The following STK10 variants were observed in gnomAD, a reference collection of about 807,000 sequenced individuals.
STK10 encodes the protein serine/threonine-protein kinase 10.
A neutral mutation model predicts 113.8 loss-of-function variants in STK10; 78 were observed. The ratio of observed to expected loss-of-function variants is 0.69; its 90% CI spans 0.57 to 0.83. The LOEUF (loss-of-function observed/expected upper bound fraction) is 0.83. Ranked by LOEUF, STK10 falls within the 40% of genes least tolerant of loss-of-function variation. The pLI is 0.00. For synonymous variants in STK10, 465 were observed against 494.7 expected, an observed-to-expected ratio of 0.94 and a Z score of 0.80; for missense variants, 1,109 against 1,280.1, an observed-to-expected ratio of 0.87 and a Z score of 2.04.
chr5:172,055,643 CTCT>C lies in STK10; in HGVS notation c.2468_2470del (p.Lys823del). The C allele has an allele frequency of 6.4e-7, 1 of 1,570,030 alleles. No individual in the cohort carries two copies. Among genetic ancestry groups the C allele is most frequent in the Non-Finnish European group, 8.7e-7 (1 of 1,154,780 alleles). The stretch of plus-strand genomic sequence containing the variant: ...GCTGCCCCCGCCGTTGATGTGGAGG[CTCT>C]TCTTGTACATGGCCATGCGCGTCTT... On this transcript the variant is annotated inframe_deletion, in exon 16 of 19. Transcript: ENST00000176763.
chr5:172,126,618 G>T (rs1769625130), intron 3 of STK10, among the ~76,000 whole-genome samples: 1 of 152,144 alleles, frequency 6.6e-6, no homozygotes. Flanking sequence ...ATTAGAGGAG[G>T]ACCGCATATG....
chr5:172,118,443 C>A (rs75904017), intron 3 of STK10, among the ~76,000 whole-genome samples: 11,161 of 152,088 alleles, frequency 0.073, 465 homozygotes, highest in East Asian at 0.11. Flanking sequence ...GGGCAGGAAC[C>A]CCTTATAGCT....
At chr5:172,097,570 T>C (rs1362923076) in intron 7 of STK10, among the ~76,000 whole-genome samples, 1 of 152,182 alleles carries the variant, frequency 6.6e-6, no homozygotes, top group African/African-American at 2.4e-5. Context: ...TCACCTACAT[T>C]GTCGCCTATT....
chr5:172,070,646 T>C (rs995577385), intron 12 of STK10, among the ~76,000 whole-genome samples: 1 of 151,612 alleles, frequency 6.6e-6, no homozygotes, highest in East Asian at 1.9e-4. Flanking sequence ...ATCAATAACA[T>C]TGAAAAGAGA....
At chr5:172,075,877 T>C (rs1201086013) in intron 12 of STK10, among the ~76,000 whole-genome samples, 1 of 152,214 alleles carries the variant, frequency 6.6e-6, no homozygotes, top group Non-Finnish European at 1.5e-5. Flanking sequence ...GGAACTCTTG[T>C]ACCTCGTTGT....
chr5:172,112,311 G>T (rs886849784), intron 4 of STK10, among the ~76,000 whole-genome samples: 3 of 151,864 alleles, frequency 2.0e-5, no homozygotes, highest in Admixed American at 1.3e-4. Context: ...GCACGCATGT[G>T]CATACACACA....
At chr5:172,175,590 T>G (rs1345148375) in intron 1 of STK10, among the ~76,000 whole-genome samples, 1 of 149,252 alleles carries the variant, frequency 6.7e-6, no homozygotes, top group African/African-American at 2.4e-5. Flanking sequence ...TAGTCCTGCC[T>G]GCACCCCTCA....
intron 10 of STK10, among the ~76,000 whole-genome samples, chr5:172,086,558 C>A (rs907748197): frequency 6.6e-6 from 1 of 152,142 alleles, no homozygotes. Flanking sequence ...TAGGGAAGGA[C>A]AGGAGGAACT....
In STK10 at chr5:172,042,112, T is replaced by C. The variant is rs1225983500; in HGVS notation, c.*2770A>G. The C allele has an allele frequency of 6.6e-6, 1 of 152,600 alleles. No individual in the cohort carries two copies. The highest frequency in any genetic ancestry group is 1.5e-5 in the Non-Finnish European group (1 of 68,030). 9.5% of individuals were successfully genotyped at this position (152,600 alleles called of 1,614,324 possible). ...TTATTTTATTAGAAGCATATTTACATTCTTGTAGTTAACTTTCCAGAGAAC... is the reference window on the plus strand; with the variant it reads ...TTATTTTATTAGAAGCATATTTACACTCTTGTAGTTAACTTTCCAGAGAAC... On this transcript the variant is annotated 3_prime_UTR_variant, in exon 19 of 19. Transcript: ENST00000176763.
intron 12 of STK10, among the ~76,000 whole-genome samples, chr5:172,066,269 G>A (rs58971571): frequency 0.37 from 56,463 of 151,944 alleles, 10,812 homozygotes; most frequent in African/African-American, 0.44. Flanking sequence ...AAAGCAGGTG[G>A]CACGAAGGGG....
rs564739802 is a variant in STK10 at position 172,049,556 on chromosome 5, G to A, written c.2766+3373C>T. 1.4e-4 allele frequency among the ~76,000 whole-genome samples: 21 copies of A among 151,746 alleles called. No homozygotes were observed. In the East Asian group the frequency reaches 2.9e-3, roughly 21 times the overall value. ...ATGAGACTCACGGGAGATAAGGCAAGAACAGTAGTTCTCGAAGTGTGGTCC... is the reference window on the plus strand; with the variant it reads ...ATGAGACTCACGGGAGATAAGGCAAAAACAGTAGTTCTCGAAGTGTGGTCC... On this transcript the variant is annotated intron_variant, in intron 18 of 18. Coordinates refer to ENST00000176763, the MANE Select transcript of STK10 (RefSeq NM_005990.4).
intron 1 of STK10, among the ~76,000 whole-genome samples, chr5:172,168,405 G>A (rs1770607297): frequency 6.6e-6 from 1 of 152,200 alleles, no homozygotes; most frequent in Non-Finnish European, 1.5e-5. Flanking sequence ...GGTGACCTGA[G>A]GACAGCAGAC....
chr5:172,166,318 C>T (rs1770571092), intron 1 of STK10, among the ~76,000 whole-genome samples: 1 of 152,190 alleles, frequency 6.6e-6, no homozygotes, highest in Admixed American at 6.5e-5. Flanking sequence ...GCGGACTCTA[C>T]CCGTAGACTT....
At chr5:172,090,934 C>CT (rs1222204294) in intron 9 of STK10, among the ~76,000 whole-genome samples, 5 of 87,068 alleles carry the variant, frequency 5.7e-5, no homozygotes, top group East Asian at 3.4e-4. Context: ...GACTCCGTCT[C>CT]TAAAAAAAAA....
intron 12 of STK10, among the ~76,000 whole-genome samples, chr5:172,066,381 T>G (rs1768069534): frequency 6.6e-6 from 1 of 151,974 alleles, no homozygotes; most frequent in Non-Finnish European, 1.5e-5. Context: ...ACCTGCCCAG[T>G]AGTGCAGTAG....
chr5:172,086,553 A>T (rs6889510), intron 10 of STK10, among the ~76,000 whole-genome samples: 28,639 of 152,154 alleles, frequency 0.19, 3,175 homozygotes, highest in African/African-American at 0.3. Context: ...CGTTTTAGGG[A>T]AGGACAGGAG....
intron 1 of STK10, among the ~76,000 whole-genome samples, chr5:172,162,032 C>G (rs1770480992): frequency 6.6e-6 from 1 of 152,176 alleles, no homozygotes; most frequent in African/African-American, 2.4e-5. Flanking sequence ...GACTTCTCCC[C>G]TAAACTCAAT....
chr5:172,082,835 C>T lies in STK10; in HGVS notation c.1809+126G>A. Reference sequence around the variant, plus strand: ...TCACTGCCTAACAAGATCGGGAAGCCCCCAGGAATTGGGCAATTGTTGTGA... The same window carrying T: ...TCACTGCCTAACAAGATCGGGAAGCTCCCAGGAATTGGGCAATTGTTGTGA... On this transcript the variant is annotated intron_variant, in intron 11 of 18. Coordinates refer to ENST00000176763, the MANE Select transcript of STK10 (RefSeq NM_005990.4). This position sits in a 1 kb window ranked among gnomAD's most constrained non-coding sequence, Gnocchi z 4.3. 1 of 1,437,518 alleles carries T rather than the reference C, an allele frequency of 7.0e-7. No individual in the cohort carries two copies. 89.0% of individuals were successfully genotyped at this position (1,437,518 alleles called of 1,614,324 possible).
chr5:172,151,420 C>T (rs546124653), intron 2 of STK10, among the ~76,000 whole-genome samples: 5 of 151,932 alleles, frequency 3.3e-5, no homozygotes, highest in Non-Finnish European at 7.4e-5. Context: ...ATCTTTGGCT[C>T]ATTGCAACCT....
Sources: allele counts gnomAD v4.1 joint callset (sites outside exome capture counted in the v4.1 genomes callset), GRCh38; gene constraint gnomAD v4.1.1; non-coding constraint Gnocchi (gnomAD v3.1); transcripts MANE v1.5; gene names NCBI Gene and HGNC (gene_info 2026-07-23, HGNC 2026-07-21).